Variants in PDS5A observed in about 807,000 individuals in gnomAD.
The protein encoded by PDS5A is sister chromatid cohesion protein PDS5 homolog A.
PDS5A carries 42 observed loss-of-function variants against 167.1 expected under a neutral mutation model. The observed-to-expected ratio is 0.25, with a 90% CI of 0.20 to 0.33. PDS5A has a LOEUF of 0.33. Among genes scored for constraint, PDS5A ranks in the 10% least tolerant of loss-of-function variants. The probability of loss-of-function intolerance (pLI) is 1.00; values close to 1 mark genes in which losing one functional copy is unlikely to be tolerated. For missense variants in PDS5A, 1,033 were observed against 1,605.9 expected, an observed-to-expected ratio of 0.64 and a Z score of 6.10; for synonymous variants, 553 against 554.6, an observed-to-expected ratio of 1.00 and a Z score of 0.04.
At chr4:39,870,275 A>C (rs1719909587) in intron 21 of PDS5A, among the ~76,000 whole-genome samples, 1 of 152,242 alleles carries the variant, frequency 6.6e-6, no homozygotes, top group Non-Finnish European at 1.5e-5. Flanking sequence ...TGACATAGGA[A>C]GAAATCTTCA....
chr4:39,839,889 T>A (rs191023994), intron 31 of PDS5A, among the ~76,000 whole-genome samples: 19 of 150,444 alleles, frequency 1.3e-4, no homozygotes, highest in South Asian at 1.3e-3. Flanking sequence ...AGGTCAGGAG[T>A]TCAAGACCAG....
intron 26 of PDS5A, among the ~76,000 whole-genome samples, chr4:39,856,790 T>G (rs1486833381): frequency 6.6e-6 from 1 of 152,136 alleles, no homozygotes; most frequent in Non-Finnish European, 1.5e-5. Flanking sequence ...CACTCCAGCC[T>G]GGGCAACAGA....
intron 16 of PDS5A, among the ~76,000 whole-genome samples, chr4:39,894,348 C>T (rs1019639827): frequency 4.6e-5 from 7 of 151,560 alleles, no homozygotes; most frequent in South Asian, 2.1e-4. Flanking sequence ...GCAGAGGTTA[C>T]GGTGAGCTGA....
At chr4:39,858,348 T>C (rs1253079363) in intron 26 of PDS5A, among the ~76,000 whole-genome samples, 2 of 152,226 alleles carry the variant, frequency 1.3e-5, no homozygotes, top group Admixed American at 6.5e-5. Context: ...CAGAGTTACA[T>C]GGCATAAGGC....
intron 2 of PDS5A, chr4:39,973,908 G>A (rs1474986149): frequency 2.3e-5 from 15 of 639,862 alleles, no homozygotes; most frequent in East Asian, 8.8e-5. Flanking sequence ...GGCAGATCAC[G>A]AGGTCAGGAG....
chr4:39,895,271 C>T (rs947935555), intron 16 of PDS5A, among the ~76,000 whole-genome samples: 18 of 150,428 alleles, frequency 1.2e-4, no homozygotes, highest in Admixed American at 5.9e-4. Flanking sequence ...TTAGAGTGCA[C>T]GCACACAAAC....
At chr4:39,916,220 C>T (rs919834485) in intron 8 of PDS5A, among the ~76,000 whole-genome samples, 1 of 151,644 alleles carries the variant, frequency 6.6e-6, no homozygotes, top group Admixed American at 6.6e-5. Flanking sequence ...AAAAAAGAGA[C>T]TGAGACAAGA....
intron 24 of PDS5A, 22 bp downstream of exon 24, chr4:39,863,314 C>T (rs773767545): frequency 2.6e-6 from 4 of 1,550,930 alleles, no homozygotes; most frequent in Admixed American, 2.0e-5. Context: ...AAGTAATTGA[C>T]AAAAATAAGA....
chr4:39,963,723 TG>T (rs1461118901), intron 2 of PDS5A, among the ~76,000 whole-genome samples: 1 of 151,344 alleles, frequency 6.6e-6, no homozygotes, highest in Non-Finnish European at 1.5e-5. Flanking sequence ...TCTCAGCTAC[TG>T]GGGAGCCTGA....
rs751033270 is a variant in PDS5A at position 39,917,116 on chromosome 4, G to C, written c.808C>G (p.Gln270Glu). The C allele has an allele frequency of 1.9e-6, 3 of 1,562,630 alleles. No homozygotes were observed. Residue 270 changes from glutamine to glutamate, a missense_variant, in exon 8 of 33, where the codon CAG becomes GAG. Gln to Glu is a conservative substitution (Grantham distance 29). Coordinates refer to ENST00000303538, the MANE Select transcript of PDS5A (RefSeq NM_001100399.2). ...TGAGGATCTATAGCAAAAAGTTCCT[G>C]AATCAGATCAAATACATGTTCTGAC... ...DLSEHVFDLI[Q>E]ELFAIDPHLL...
intron 2 of PDS5A, among the ~76,000 whole-genome samples, chr4:39,940,403 A>G (rs1048778303): frequency 2.0e-5 from 3 of 152,134 alleles, no homozygotes; most frequent in Non-Finnish European, 4.4e-5. Flanking sequence ...CTATTTCTTT[A>G]TACGTATATT....
intron 23 of PDS5A, among the ~76,000 whole-genome samples, chr4:39,865,101 A>T (rs1719316835): frequency 6.6e-6 from 1 of 152,176 alleles, no homozygotes; most frequent in South Asian, 2.1e-4. Flanking sequence ...CATTTCCATG[A>T]TCATACTGAG....
chr4:39,849,676 A>C (rs775964834), intron 26 of PDS5A, 24 bp from the exon 27 acceptor site: 7 of 1,571,504 alleles, frequency 4.5e-6, no homozygotes. Context: ...TATTAAAGAG[A>C]CTAGACGTAG....
At chr4:39,856,709 G>A (rs1483978250) in intron 26 of PDS5A, among the ~76,000 whole-genome samples, 3 of 151,964 alleles carry the variant, frequency 2.0e-5, no homozygotes, top group African/African-American at 7.2e-5. Flanking sequence ...TCAGCTACTC[G>A]GGAGGCTGAG....
intron 2 of PDS5A, among the ~76,000 whole-genome samples, chr4:39,957,402 A>G (rs948957146): frequency 6.6e-6 from 1 of 151,976 alleles, no homozygotes; most frequent in Non-Finnish European, 1.5e-5. Flanking sequence ...GTTGCTAGCC[A>G]CTCTTTAAAT....
Position 39,823,794 on chromosome 4 carries a change from G to A in PDS5A, c.*1691C>T, listed in dbSNP as rs1483368029. 1.3e-5 allele frequency: 2 copies of A among 152,538 alleles called. No homozygotes were observed. The highest frequency in any genetic ancestry group is 2.9e-5 in the Non-Finnish European group (2 of 68,038). The allele number at this position is 152,538 out of a possible 1,614,324, so 9.4% of individuals were successfully genotyped here. A position where few individuals can be genotyped will look rare whatever the true frequency, so the allele number is the denominator to read the frequency against. On this transcript the variant is annotated 3_prime_UTR_variant, in exon 33 of 33. Coordinates refer to ENST00000303538, the MANE Select transcript of PDS5A (RefSeq NM_001100399.2). Reference sequence around the variant, plus strand: ...ATCCATTGTTCCCTAAGCATCTTCTGATACCTAAATGTGTGTAAATGCATA... The same window carrying A: ...ATCCATTGTTCCCTAAGCATCTTCTAATACCTAAATGTGTGTAAATGCATA...
At chr4:39,904,862 T>C (rs533034417) in intron 11 of PDS5A, among the ~76,000 whole-genome samples, 1 of 152,334 alleles carries the variant, frequency 6.6e-6, no homozygotes, top group Admixed American at 6.5e-5. Flanking sequence ...GGAGAGTTCA[T>C]TTGATTCTAT....
At chr4:39,951,429 C>G (rs781176293) in intron 2 of PDS5A, among the ~76,000 whole-genome samples, 34 of 152,196 alleles carry the variant, frequency 2.2e-4, no homozygotes, top group Non-Finnish European at 2.9e-5. Context: ...CAATGAGAGA[C>G]AGCCAGAAGC....
At chr4:39,851,138 C>A (rs1371303256) in intron 26 of PDS5A, among the ~76,000 whole-genome samples, 1 of 152,074 alleles carries the variant, frequency 6.6e-6, no homozygotes, top group South Asian at 2.1e-4. Context: ...AAGAAAGGAA[C>A]AGAATAATGA....
Sources: gnomAD v4.1 joint callset for allele counts (sites outside exome capture counted in the v4.1 genomes callset) on GRCh38, gnomAD v4.1.1 for gene constraint, MANE v1.5 for transcripts, NCBI Gene and HGNC (gene_info 2026-07-23, HGNC 2026-07-21) for gene names.